RCAN1: variants seen among roughly 807,000 people sequenced by gnomAD.
RCAN1 encodes the protein calcipressin-1.
In RCAN1, 11 loss-of-function variants were observed where a neutral mutation model predicts 22.9. That is an observed-to-expected ratio of 0.48 (90% confidence interval 0.30 to 0.79). The LOEUF is 0.79. Ranked by LOEUF, RCAN1 falls within the 30% of genes least tolerant of loss-of-function variation. RCAN1 has a pLI of 0.06. For missense variants in RCAN1, 291 were observed against 337.8 expected (o/e 0.86, Z 1.09); for synonymous variants, 136 against 142.3 (o/e 0.96, Z 0.32).
chr21:34,598,602 C>T (rs978119217), intron 1 of RCAN1, among the ~76,000 whole-genome samples: 3 of 152,176 alleles, frequency 2.0e-5, no homozygotes, highest in Non-Finnish European at 2.9e-5. Context: ...AAAACCTACT[C>T]CTATACATCT....
intron 1 of RCAN1, among the ~76,000 whole-genome samples, chr21:34,597,617 C>T (rs763543725): frequency 3.9e-5 from 6 of 152,146 alleles, no homozygotes; most frequent in African/African-American, 7.2e-5. Flanking sequence ...GATAAAATAC[C>T]ATATTGCCAC....
In RCAN1 at chr21:34,595,327, A is replaced by C. The variant is rs546475590; in HGVS notation, c.252+19433T>G. Among the ~76,000 whole-genome samples the C allele has an allele frequency of 2.1e-4, 32 of 152,350 alleles. 1 individual carries two copies. The highest frequency in any genetic ancestry group is 7.5e-4 in the African/African-American group (31 of 41,582). ...ATGCTGGAAAAGAGGGTCATCAAAAAAGGAGGAAAAATCCCTTAGCTCTTA... is the reference window on the plus strand; with the variant it reads ...ATGCTGGAAAAGAGGGTCATCAAAACAGGAGGAAAAATCCCTTAGCTCTTA... On this transcript the variant is annotated intron_variant, in intron 1 of 3. Coordinates refer to ENST00000313806, the MANE Select transcript of RCAN1 (RefSeq NM_004414.7).
At chr21:34,582,881 A>T (rs1421921184) in intron 1 of RCAN1, among the ~76,000 whole-genome samples, 1 of 152,168 alleles carries the variant, frequency 6.6e-6, no homozygotes, top group African/African-American at 2.4e-5. Flanking sequence ...CCAGAACATC[A>T]TCTGAAGAGG....
At chr21:34,583,130 C>T (rs918641889) in intron 1 of RCAN1, among the ~76,000 whole-genome samples, 4 of 151,888 alleles carry the variant, frequency 2.6e-5, no homozygotes, top group Non-Finnish European at 5.9e-5. Flanking sequence ...GTGTTGAAGC[C>T]CTAACCATCA....
intron 1 of RCAN1, among the ~76,000 whole-genome samples, chr21:34,606,837 A>G (rs1375744912): frequency 6.6e-6 from 1 of 152,208 alleles, no homozygotes; most frequent in Non-Finnish European, 1.5e-5. Flanking sequence ...GAAAGAGACC[A>G]TGCTGGGACC....
intron 1 of RCAN1, among the ~76,000 whole-genome samples, chr21:34,537,454 T>C (rs1012207636): frequency 1.3e-5 from 2 of 152,190 alleles, no homozygotes; most frequent in Non-Finnish European, 2.9e-5. Context: ...TGACTTCTTT[T>C]TGGTGGTGGT....
chr21:34,521,778 T>A, intron 2 of RCAN1, 120 bp from the exon 3 acceptor site: 1 of 788,350 alleles, frequency 1.3e-6, no homozygotes, highest in South Asian at 1.8e-5. Context: ...AGGACAGGTG[T>A]GATTCCAGGA....
intron 3 of RCAN1, among the ~76,000 whole-genome samples, chr21:34,520,605 A>T (rs1984435738): frequency 6.6e-6 from 1 of 152,198 alleles, no homozygotes; most frequent in Non-Finnish European, 1.5e-5. Context: ...TCAAGGAGAA[A>T]TGAGGAGCTG....
At chr21:34,613,716 T>C (rs560377746) in intron 1 of RCAN1, 50 of 1,438,782 alleles carry the variant, frequency 3.5e-5, no homozygotes, top group Non-Finnish European at 4.6e-5. Flanking sequence ...GAAGCTTACC[T>C]AAGCACACGG....
chr21:34,606,266 A>G (rs1453688162), intron 1 of RCAN1, among the ~76,000 whole-genome samples: 2 of 152,172 alleles, frequency 1.3e-5, no homozygotes, highest in African/African-American at 2.4e-5. Flanking sequence ...GCGCAACCCT[A>G]TAAAACTTCC....
chr21:34,527,831 C>T (rs546929981), intron 1 of RCAN1, among the ~76,000 whole-genome samples: 38 of 143,908 alleles, frequency 2.6e-4, no homozygotes, highest in Non-Finnish European at 5.2e-4. Context: ...AGAGGTCCTG[C>T]TTAAAGACTC....
At chr21:34,613,859 G>A in intron 1 of RCAN1, 2 of 1,442,640 alleles carry the variant, frequency 1.4e-6, no homozygotes, top group Admixed American at 2.2e-5. Flanking sequence ...CAGCATTTGT[G>A]GACCCACAGC....
At chr21:34,599,912 G>A (rs915762629) in intron 1 of RCAN1, among the ~76,000 whole-genome samples, 3 of 152,144 alleles carry the variant, frequency 2.0e-5, no homozygotes, top group Non-Finnish European at 4.4e-5. Context: ...TGACCAATAG[G>A]TGTAGACCTA....
intron 1 of RCAN1, among the ~76,000 whole-genome samples, chr21:34,579,612 A>C (rs138475610): frequency 6.6e-6 from 1 of 152,326 alleles, no homozygotes; most frequent in Non-Finnish European, 1.5e-5. Flanking sequence ...TTCATGACCA[A>C]TTCAACAACC....
chr21:34,533,914 C>T (rs928421175), intron 1 of RCAN1, among the ~76,000 whole-genome samples: 3 of 152,164 alleles, frequency 2.0e-5, no homozygotes, highest in Non-Finnish European at 2.9e-5. Context: ...GAGAATCTGG[C>T]ATGCTGCAAG....
intron 1 of RCAN1, among the ~76,000 whole-genome samples, chr21:34,607,546 C>T (rs1988567625): frequency 1.3e-5 from 2 of 152,150 alleles, no homozygotes; most frequent in Admixed American, 1.3e-4. Flanking sequence ...CGTGCCACCA[C>T]ACTGAGCTAA....
intron 1 of RCAN1, among the ~76,000 whole-genome samples, chr21:34,578,048 T>C (rs1226170299): frequency 6.6e-6 from 1 of 152,112 alleles, no homozygotes; most frequent in Non-Finnish European, 1.5e-5. Flanking sequence ...GTCAGCCCAC[T>C]GACTATTAGA....
At chr21:34,612,803 G>A (rs571160941) in intron 1 of RCAN1, among the ~76,000 whole-genome samples, 123 of 152,280 alleles carry the variant, frequency 8.1e-4, no homozygotes, top group Middle Eastern at 6.8e-3. Flanking sequence ...GTTGCTCATG[G>A]CTGCAGGCCT....
At chr21:34,587,010 A>C (rs1344336677) in intron 1 of RCAN1, among the ~76,000 whole-genome samples, 2 of 152,100 alleles carry the variant, frequency 1.3e-5, no homozygotes, top group African/African-American at 4.8e-5. Context: ...AACAGAAAAC[A>C]AAAAAACAGA....
Sources: gnomAD v4.1 joint callset for allele counts (sites outside exome capture counted in the v4.1 genomes callset) on GRCh38, gnomAD v4.1.1 for gene constraint, MANE v1.5 for transcripts, NCBI Gene and HGNC (gene_info 2026-07-23, HGNC 2026-07-21) for gene names.